Variants in PIP5K1C observed in about 807,000 individuals in gnomAD.
PIP5K1C encodes phosphatidylinositol 4-phosphate 5-kinase type-1 gamma.
Under a neutral mutation model 80.1 loss-of-function variants are expected in PIP5K1C, and 45 were observed. The ratio of observed to expected loss-of-function variants is 0.56; its 90% CI spans 0.44 to 0.72. The LOEUF (loss-of-function observed/expected upper bound fraction) is 0.72, where lower values mean the gene tolerates loss of function less well. Among genes scored for constraint, PIP5K1C ranks in the 30% least tolerant of loss-of-function variants. The pLI, the probability that PIP5K1C is intolerant of heterozygous loss-of-function variation, is 0.00. For missense variants in PIP5K1C, 753 were observed against 954.6 expected, an observed-to-expected ratio of 0.79 and a Z score of 2.78; for synonymous variants, 498 against 420.1, an observed-to-expected ratio of 1.19 and a Z score of -2.27.
chr19:3,669,450 C>T (rs370394099), intron 1 of PIP5K1C, among the ~76,000 whole-genome samples: 13 of 152,234 alleles, frequency 8.5e-5, no homozygotes, highest in African/African-American at 2.2e-4. Flanking sequence ...GCGGTGCAGA[C>T]GGGGGCCGTC....
chr19:3,654,887 A>G (rs1266753591), intron 6 of PIP5K1C, among the ~76,000 whole-genome samples: 2 of 151,766 alleles, frequency 1.3e-5, no homozygotes, highest in African/African-American at 4.8e-5. Flanking sequence ...AGGCCAAGGC[A>G]GGCAGATCAT....
chr19:3,643,993 A>T, intron 12 of PIP5K1C, 94 bp downstream of exon 12: 1 of 1,432,826 alleles, frequency 7.0e-7, no homozygotes, highest in East Asian at 2.4e-5. Flanking sequence ...TGGCTGAGCG[A>T]TGGGCACTCA....
intron 7 of PIP5K1C, among the ~76,000 whole-genome samples, 166 bp downstream of exon 7, chr19:3,653,124 A>G (rs972753692): frequency 1.3e-5 from 2 of 152,174 alleles, no homozygotes; most frequent in Non-Finnish European, 2.9e-5. Flanking sequence ...TAAGGCCATA[A>G]AAGCTTGAGC....
rs757538262 is a variant in PIP5K1C at position 3,643,263 on chromosome 19, C to A, written c.1629G>T (p.Thr543=). The A allele has an allele frequency of 2.5e-6, 4 of 1,613,760 alleles. No individual in the cohort carries two copies. Among genetic ancestry groups the A allele is most frequent in the Non-Finnish European group, 3.4e-6 (4 of 1,179,948 alleles). The change falls in exon 13 of 18, where the codon ACG becomes ACT. Residue 543 remains threonine (T), a synonymous_variant. Transcript: ENST00000335312. ...LSIPERSPSE[T]SEQPRYRRRT... ...CCCACCTGTACCGCGGCTGCTCCGA[C>A]GTCTCCGAGGGGGACCGCTCAGGAA...
At chr19:3,699,398 G>A (rs1354994949) in intron 1 of PIP5K1C, among the ~76,000 whole-genome samples, 2 of 152,052 alleles carry the variant, frequency 1.3e-5, no homozygotes, top group Non-Finnish European at 2.9e-5. Flanking sequence ...CCAACTCCCA[G>A]GCAGCACGCA....
chr19:3,691,047 G>A (rs1413923991), intron 1 of PIP5K1C, among the ~76,000 whole-genome samples: 1 of 152,202 alleles, frequency 6.6e-6, no homozygotes, highest in African/African-American at 2.4e-5. Flanking sequence ...CTCCTGTGTG[G>A]CGAGTCCCTT....
chr19:3,652,976 T>C (rs2034504899), intron 7 of PIP5K1C, among the ~76,000 whole-genome samples: 1 of 152,102 alleles, frequency 6.6e-6, no homozygotes, highest in Non-Finnish European at 1.5e-5. Flanking sequence ...ATGTTATAAG[T>C]GTTTTGTTTT....
chr19:3,695,249 C>G (rs2145623409), intron 1 of PIP5K1C, among the ~76,000 whole-genome samples: 1 of 152,302 alleles, frequency 6.6e-6, no homozygotes, highest in South Asian at 2.1e-4. Context: ...GAGTGGAACT[C>G]ACACTTTCAC....
Position 3,698,119 on chromosome 19 carries a change from C to T in PIP5K1C, c.94+2178G>A, listed in dbSNP as rs574649034. On this transcript the variant is annotated intron_variant, in intron 1 of 17. Coordinates refer to ENST00000335312, the MANE Select transcript of PIP5K1C (RefSeq NM_012398.3). ...TGTAGCTGAGCTTTCTGGAAGGTGT[C>T]GCCATCGCTTCTAACAGTGAGCGGT... Among the ~76,000 whole-genome samples, 4 of 152,380 alleles carry T rather than the reference C, an allele frequency of 2.6e-5. No individual in the cohort carries two copies. In the East Asian group the frequency reaches 5.8e-4, roughly 22 times the overall value.
chr19:3,690,855 T>G (rs189342858), intron 1 of PIP5K1C, among the ~76,000 whole-genome samples: 15 of 152,220 alleles, frequency 9.9e-5, no homozygotes, highest in African/African-American at 3.1e-4. Flanking sequence ...CGTGTGTGCT[T>G]ACAAGAAGGA....
At chr19:3,660,915 T>C (rs1600002721) in intron 5 of PIP5K1C, 51 bp downstream of exon 5, 5 of 1,456,952 alleles carry the variant, frequency 3.4e-6, no homozygotes, top group Non-Finnish European at 4.8e-6. Flanking sequence ...TCCGAGACCC[T>C]GAACATGTTC....
At chr19:3,691,279 G>C (rs533462468) in intron 1 of PIP5K1C, among the ~76,000 whole-genome samples, 21 of 152,308 alleles carry the variant, frequency 1.4e-4, no homozygotes, top group Admixed American at 1.3e-3. Context: ...GCCCGGTCTG[G>C]TACAGTGCTG....
intron 2 of PIP5K1C, 132 bp downstream of exon 2, chr19:3,667,190 G>C (rs917318690): frequency 9.2e-6 from 7 of 760,126 alleles, no homozygotes; most frequent in Admixed American, 8.1e-5. Flanking sequence ...CATCCTGCTT[G>C]TGGACACTGG....
intron 15 of PIP5K1C, among the ~76,000 whole-genome samples, chr19:3,641,499 G>A (rs577650896): frequency 6.6e-6 from 1 of 152,250 alleles, no homozygotes; most frequent in East Asian, 1.9e-4. Flanking sequence ...CCCAGGCATC[G>A]CCCAGTGTCC....
chr19:3,691,738 CTGGG>C (rs1479012549), intron 1 of PIP5K1C, among the ~76,000 whole-genome samples: 1 of 152,212 alleles, frequency 6.6e-6, no homozygotes, highest in Non-Finnish European at 1.5e-5. Context: ...TACCACCTTT[CTGGG>C]TTACAGAAGC....
chr19:3,642,852 G>A (rs866039524), intron 14 of PIP5K1C, 55 bp downstream of exon 14: 1 of 1,451,100 alleles, frequency 6.9e-7, no homozygotes, highest in Non-Finnish European at 9.7e-7. Context: ...ACGGAGCTGG[G>A]AGCTGTGCAG....
In PIP5K1C at chr19:3,656,393, C is replaced by G; in HGVS notation, c.621+12G>C. On this transcript the variant is annotated intron_variant, in intron 6 of 17. Transcript: ENST00000335312. ...CCGAGGAGCCATCTGCCCCGCAGGG[C>G]GGGCCACGCACCATGTAGTAGCCAG... is the stretch of plus-strand genomic sequence containing the variant. 6.2e-7 allele frequency: 1 copy of G among 1,613,016 alleles called. No individual in the cohort carries two copies. The highest frequency in any genetic ancestry group is 8.5e-7 in the Non-Finnish European group (1 of 1,179,942).
intron 1 of PIP5K1C, among the ~76,000 whole-genome samples, chr19:3,670,445 G>A (rs1229229377): frequency 6.6e-6 from 1 of 152,180 alleles, no homozygotes. Flanking sequence ...GCCCTGAAAC[G>A]CCAAGGATGC....
intron 1 of PIP5K1C, among the ~76,000 whole-genome samples, chr19:3,685,628 G>A (rs942929767): frequency 2.6e-5 from 4 of 152,032 alleles, no homozygotes; most frequent in African/African-American, 9.7e-5. Context: ...TACTCGGGAG[G>A]CTGAGGCAGG....
Sources: allele counts gnomAD v4.1 joint callset (sites outside exome capture counted in the v4.1 genomes callset), GRCh38; gene constraint gnomAD v4.1.1; transcripts MANE v1.5; gene names NCBI Gene and HGNC (gene_info 2026-07-23, HGNC 2026-07-21).